PCDH7: variants seen among roughly 807,000 people sequenced by gnomAD.
PCDH7 encodes protocadherin-7.
In PCDH7, 17 loss-of-function variants were observed where a neutral mutation model predicts 58.9. That is an observed-to-expected ratio of 0.29 (90% CI 0.20 to 0.43). The LOEUF is 0.43. Ranked by LOEUF, PCDH7 falls within the 20% of genes least tolerant of loss-of-function variation. The pLI, the probability that PCDH7 is intolerant of heterozygous loss-of-function variation, is 1.00. For synonymous variants in PCDH7, 664 were observed against 616.4 expected, an observed-to-expected ratio of 1.08 and a Z score of -1.14; for missense variants, 1,274 against 1,441.0, an observed-to-expected ratio of 0.88 and a Z score of 1.88.
At chr4:30,744,845 G>A (rs1044730794) in intron 1 of PCDH7, among the ~76,000 whole-genome samples, 1 of 152,248 alleles carries the variant, frequency 6.6e-6, no homozygotes, top group South Asian at 2.1e-4. Flanking sequence ...TTCTTTAATT[G>A]TCAATCCTAG....
intron 1 of PCDH7, among the ~76,000 whole-genome samples, chr4:30,834,919 G>A (rs28393067): frequency 0.1 from 14,004 of 140,430 alleles, 742 homozygotes; most frequent in Non-Finnish European, 0.12. Context: ...ATATATATAT[G>A]TGTATATATA....
chr4:30,841,091 A>C (rs1000539670), intron 1 of PCDH7, among the ~76,000 whole-genome samples: 3 of 152,168 alleles, frequency 2.0e-5, no homozygotes, highest in Non-Finnish European at 4.4e-5. Context: ...GAAGCACTGC[A>C]CCTGCCTAAA....
At chr4:30,824,088 TTTC>T (rs1560407551) in intron 1 of PCDH7, among the ~76,000 whole-genome samples, 1 of 20,630 alleles carries the variant, frequency 4.8e-5, no homozygotes, top group Non-Finnish European at 9.3e-5. Context: ...CTTTTCTTTC[TTTC>T]TTTCTTTCTT....
chr4:30,819,029 G>T (rs768195681), intron 1 of PCDH7, among the ~76,000 whole-genome samples: 1 of 152,088 alleles, frequency 6.6e-6, no homozygotes, highest in Non-Finnish European at 1.5e-5. Flanking sequence ...CATCATTCCT[G>T]TTGTCACAGG....
intron 1 of PCDH7, among the ~76,000 whole-genome samples, chr4:30,905,274 GAGTTC>G (rs1175391122): frequency 6.6e-6 from 1 of 151,916 alleles, no homozygotes; most frequent in East Asian, 1.9e-4. Flanking sequence ...CATACTACTG[GAGTTC>G]CACTTGGCTC....
chr4:30,992,378 T>C (rs1751527824), intron 3 of PCDH7, among the ~76,000 whole-genome samples: 1 of 152,298 alleles, frequency 6.6e-6, no homozygotes, highest in South Asian at 2.1e-4. Flanking sequence ...CACAAAGATA[T>C]GAGATGATCT....
At chr4:30,808,835 G>C (rs1434378554) in intron 1 of PCDH7, among the ~76,000 whole-genome samples, 1 of 151,932 alleles carries the variant, frequency 6.6e-6, no homozygotes, top group Non-Finnish European at 1.5e-5. Flanking sequence ...TTATTGTTTT[G>C]CAAATGATAC....
intron 3 of PCDH7, among the ~76,000 whole-genome samples, chr4:30,989,195 A>G (rs953639429): frequency 6.6e-6 from 1 of 152,106 alleles, no homozygotes; most frequent in African/African-American, 2.4e-5. Context: ...TTTATTTGAT[A>G]AAGTTGAAGA....
At chr4:30,792,031 A>G (rs187935794) in intron 1 of PCDH7, among the ~76,000 whole-genome samples, 1 of 152,220 alleles carries the variant, frequency 6.6e-6, no homozygotes, top group Non-Finnish European at 1.5e-5. Flanking sequence ...TTATTTCAAA[A>G]GTTTTTCATT....
chr4:31,023,753 A>G (rs1026925546), intron 3 of PCDH7, among the ~76,000 whole-genome samples: 4 of 152,192 alleles, frequency 2.6e-5, no homozygotes, highest in Non-Finnish European at 5.9e-5. Context: ...ATGATTGTAC[A>G]TAAAAGCTAG....
chr4:30,793,424 T>A (rs1195624207), intron 1 of PCDH7, among the ~76,000 whole-genome samples: 2 of 152,148 alleles, frequency 1.3e-5, no homozygotes, highest in African/African-American at 4.8e-5. Context: ...AATACAACAG[T>A]CTATTTCATG....
chr4:30,908,608 C>A (rs1192451040), intron 1 of PCDH7, among the ~76,000 whole-genome samples: 2 of 152,122 alleles, frequency 1.3e-5, no homozygotes, highest in East Asian at 1.9e-4. Context: ...CCTGAATAGA[C>A]CAATAACAAG....
downstream of PCDH7, among the ~76,000 whole-genome samples, chr4:30,734,843 C>G (rs985705631): frequency 6.6e-6 from 1 of 152,232 alleles, no homozygotes; most frequent in South Asian, 2.1e-4. Flanking sequence ...TATGGGGTGG[C>G]TATTTTATAT....
chr4:30,745,246 TTG>T (rs1717621194), intron 1 of PCDH7, among the ~76,000 whole-genome samples: 1 of 116,762 alleles, frequency 8.6e-6, no homozygotes, highest in East Asian at 2.3e-4. Flanking sequence ...TTTTTACATC[TTG>T]TTTTTTTTTT....
chr4:31,080,412 A>G (rs1337331032), intron 3 of PCDH7, among the ~76,000 whole-genome samples: 2 of 152,168 alleles, frequency 1.3e-5, no homozygotes, highest in Non-Finnish European at 2.9e-5. Flanking sequence ...AAATGGTAAC[A>G]GCCATTGTAT....
At chr4:30,926,165 T>C (rs554483604) in intron 2 of PCDH7, among the ~76,000 whole-genome samples, 2 of 147,740 alleles carry the variant, frequency 1.4e-5, no homozygotes, top group South Asian at 4.3e-4. Context: ...TGATAAATAG[T>C]TGGGATTATT....
intron 3 of PCDH7, among the ~76,000 whole-genome samples, chr4:31,083,024 C>T (rs1272388311): frequency 6.6e-6 from 1 of 152,236 alleles, no homozygotes; most frequent in African/African-American, 2.4e-5. Flanking sequence ...AGGAGAATGG[C>T]GTGAACCTGG....
At chr4:30,929,836 C>G (rs541033630) in intron 2 of PCDH7, among the ~76,000 whole-genome samples, 1 of 152,168 alleles carries the variant, frequency 6.6e-6, no homozygotes, top group South Asian at 2.1e-4. Context: ...TGAATTGTGT[C>G]CATTGTTTCA....
intron 1 of PCDH7, among the ~76,000 whole-genome samples, chr4:30,758,619 A>C (rs933372679): frequency 4.6e-5 from 7 of 152,166 alleles, no homozygotes; most frequent in African/African-American, 1.4e-4. Context: ...CAATAGCATG[A>C]CAGTTGTGTG....
Sources: gnomAD v4.1 joint callset for allele counts (sites outside exome capture counted in the v4.1 genomes callset) on GRCh38, gnomAD v4.1.1 for gene constraint, MANE v1.5 for transcripts, NCBI Gene and HGNC (gene_info 2026-07-23, HGNC 2026-07-21) for gene names.